Variants in SDK1 observed in about 807,000 individuals in gnomAD.
SDK1 encodes protein sidekick-1.
Under a neutral mutation model 245.5 loss-of-function variants are expected in SDK1, and 157 were observed. That is an observed-to-expected ratio of 0.64 (90% CI 0.56 to 0.73). The LOEUF (loss-of-function observed/expected upper bound fraction) is 0.73, where lower values mean the gene tolerates loss of function less well. Ranked by LOEUF, SDK1 falls within the 30% of genes least tolerant of loss-of-function variation. The pLI is 0.00. For missense variants in SDK1, 3,583 were observed against 3,002.3 expected (o/e 1.19, Z -4.52); for synonymous variants, 1,647 against 1,278.5 (o/e 1.29, Z -6.15).
At chr7:3,551,870 A>T (rs920933654) in intron 1 of SDK1, among the ~76,000 whole-genome samples, 111 of 152,152 alleles carry the variant, frequency 7.3e-4, no homozygotes, top group African/African-American at 2.5e-3. Flanking sequence ...GTTTTTAAGG[A>T]ACAATTTTCT....
chr7:3,869,436 G>A (rs1392233478), intron 5 of SDK1, among the ~76,000 whole-genome samples: 1 of 152,130 alleles, frequency 6.6e-6, no homozygotes, highest in Non-Finnish European at 1.5e-5. Flanking sequence ...GATTACAGGT[G>A]TGAGCCACCA....
chr7:4,111,398 T>C (rs1420428947), intron 23 of SDK1, among the ~76,000 whole-genome samples: 1 of 152,214 alleles, frequency 6.6e-6, no homozygotes, highest in Non-Finnish European at 1.5e-5. Context: ...AATGTCATTG[T>C]TCTGCCAGGA....
At chr7:3,833,851 C>T (rs1402346578) in intron 5 of SDK1, among the ~76,000 whole-genome samples, 6 of 152,196 alleles carry the variant, frequency 3.9e-5, no homozygotes, top group Non-Finnish European at 8.8e-5. Flanking sequence ...AGCAGTTCTA[C>T]TTGAACCCTA....
At chr7:4,236,572 C>G (rs758892612) in intron 41 of SDK1, among the ~76,000 whole-genome samples, 1 of 151,978 alleles carries the variant, frequency 6.6e-6, no homozygotes, top group East Asian at 1.9e-4. Context: ...GTGTTTGCGG[C>G]GGGGGCTTCC....
rs1783170819 is a variant in SDK1, at chr7:3,527,278, G to A, written c.299-91802G>A. 3.9e-5 allele frequency among the ~76,000 whole-genome samples: 6 copies of A among 152,264 alleles called. No individual in the cohort carries two copies. In the South Asian group the frequency reaches 1.2e-3, roughly 32 times the overall value. On this transcript the variant is annotated intron_variant, in intron 1 of 44. Transcript: ENST00000404826. ...ATATACAAATTACATTCTAGTGTGG[G>A]AGAGAGACAGCAAGTAAGAAAGACA...
chr7:3,342,157 C>T (rs4719894), intron 1 of SDK1, among the ~76,000 whole-genome samples: 90,106 of 152,088 alleles, frequency 0.59, 27,671 homozygotes, highest in African/African-American at 0.77. Flanking sequence ...TTATTCTTCT[C>T]AACAAATGGT....
chr7:3,339,183 T>G (rs13231665), intron 1 of SDK1, among the ~76,000 whole-genome samples: 2 of 125,010 alleles, frequency 1.6e-5, no homozygotes, highest in African/African-American at 6.0e-5. Context: ...CAGAATAAAT[T>G]AATAAAGACA....
intron 5 of SDK1, among the ~76,000 whole-genome samples, chr7:3,863,259 T>G (rs1464804526): frequency 6.6e-6 from 1 of 152,134 alleles, no homozygotes; most frequent in Non-Finnish European, 1.5e-5. Flanking sequence ...CTGGGTTCCT[T>G]ACCTCTCCCA....
At chr7:3,379,344 G>C (rs967157733) in intron 1 of SDK1, among the ~76,000 whole-genome samples, 1 of 152,114 alleles carries the variant, frequency 6.6e-6, no homozygotes, top group African/African-American at 2.4e-5. Context: ...CGCTGAGGGG[G>C]CATATGAAAA....
intron 40 of SDK1, among the ~76,000 whole-genome samples, chr7:4,226,095 C>A (rs186369619): frequency 6.6e-6 from 1 of 152,268 alleles, no homozygotes; most frequent in East Asian, 1.9e-4. Context: ...AGCTGTCATC[C>A]ATTACAGGCC....
intron 4 of SDK1, among the ~76,000 whole-genome samples, chr7:3,714,320 C>T (rs6969732): frequency 0.3 from 45,738 of 152,048 alleles, 10,051 homozygotes; most frequent in African/African-American, 0.62. Flanking sequence ...AAAATCATTA[C>T]TATTCTTAGA....
chr7:4,074,916 A>ATATATTTT (rs1434239449), intron 20 of SDK1, among the ~76,000 whole-genome samples: 1 of 64,628 alleles, frequency 1.5e-5, no homozygotes, highest in Non-Finnish European at 2.5e-5. Flanking sequence ...ATATATATAT[A>ATATATTTT]TTTTTTTTTT....
chr7:3,337,367 C>G (rs1183547663), intron 1 of SDK1, among the ~76,000 whole-genome samples: 1 of 150,236 alleles, frequency 6.7e-6, no homozygotes. Context: ...AAAAAATAGA[C>G]TGGAAAAAAA....
At chr7:3,312,122 C>T (rs1036535433) in intron 1 of SDK1, among the ~76,000 whole-genome samples, 6 of 152,170 alleles carry the variant, frequency 3.9e-5, no homozygotes, top group Non-Finnish European at 7.3e-5. Context: ...AAAGGGACAT[C>T]TAAACTCCAA....
chr7:3,878,224 TAAATA>T (rs1054036898), intron 5 of SDK1, among the ~76,000 whole-genome samples: 2 of 152,126 alleles, frequency 1.3e-5, no homozygotes, highest in Non-Finnish European at 2.9e-5. Context: ...GTTTAAAAAA[TAAATA>T]AAGGCTTTTG....
chr7:4,181,166 G>A (rs150856439), intron 35 of SDK1, among the ~76,000 whole-genome samples: 83 of 152,304 alleles, frequency 5.4e-4, no homozygotes, highest in African/African-American at 1.8e-3. Context: ...TTCACCTCTC[G>A]ATACTTGGTA....
intron 1 of SDK1, among the ~76,000 whole-genome samples, chr7:3,381,511 A>G (rs940495511): frequency 2.0e-5 from 3 of 151,780 alleles, no homozygotes; most frequent in Non-Finnish European, 4.4e-5. Flanking sequence ...AGGGGGAGTG[A>G]CCTGAGGGAG....
intron 34 of SDK1, 119 bp from the exon 35 acceptor site, chr7:4,178,366 A>C: frequency 1.3e-6 from 1 of 755,320 alleles, no homozygotes; most frequent in Non-Finnish European, 2.3e-6. Context: ...GATTTCTAAC[A>C]ATCCCGCCTC....
intron 4 of SDK1, among the ~76,000 whole-genome samples, chr7:3,666,026 T>C (rs1217272876): frequency 2.6e-5 from 4 of 152,216 alleles, no homozygotes; most frequent in Non-Finnish European, 1.5e-5. Flanking sequence ...CCACCTTTGT[T>C]CTGGCCATTG....
Sources: allele counts gnomAD v4.1 joint callset (sites outside exome capture counted in the v4.1 genomes callset), GRCh38; gene constraint gnomAD v4.1.1; transcripts MANE v1.5; gene names NCBI Gene and HGNC (gene_info 2026-07-23, HGNC 2026-07-21).